Variants in TMC2 observed in about 807,000 individuals in gnomAD.
TMC2 encodes the protein transmembrane channel like 2, also known as transmembrane channel-like protein 2.
A neutral mutation model predicts 105.9 loss-of-function variants in TMC2; 102 were observed. The ratio of observed to expected loss-of-function variants is 0.96; its 90% confidence interval spans 0.82 to 1.14. The LOEUF (loss-of-function observed/expected upper bound fraction) is 1.14, where lower values mean the gene tolerates loss of function less well. TMC2 is among the 50% of genes most tolerant of loss of function. The pLI is 0.00. For synonymous variants in TMC2, 402 were observed against 422.8 expected (o/e 0.95, Z 0.60); for missense variants, 1,093 against 1,134.3 (o/e 0.96, Z 0.52).
chr20:2,552,230 C>T (rs1161387565), intron 2 of TMC2, among the ~76,000 whole-genome samples: 1 of 152,182 alleles, frequency 6.6e-6, no homozygotes, highest in Admixed American at 6.5e-5. Context: ...TGCACTCCAG[C>T]CTGAGCAACA....
chr20:2,633,505 G>A (rs6050719), intron 17 of TMC2, among the ~76,000 whole-genome samples: 114,647 of 151,834 alleles, frequency 0.76, 43,398 homozygotes, highest in East Asian at 0.87. Flanking sequence ...TCTCACAGCC[G>A]TGATGTTCAA....
intron 2 of TMC2, among the ~76,000 whole-genome samples, chr20:2,542,134 G>C (rs1178855523): frequency 6.6e-6 from 1 of 152,086 alleles, no homozygotes; most frequent in Non-Finnish European, 1.5e-5. Flanking sequence ...ACTGACAAAA[G>C]ACAGATCAAC....
At chr20:2,635,037 G>A (rs989695476) in intron 17 of TMC2, among the ~76,000 whole-genome samples, 1 of 152,186 alleles carries the variant, frequency 6.6e-6, no homozygotes, top group Non-Finnish European at 1.5e-5. Flanking sequence ...GAAAGTCATG[G>A]AGAAAAACTA....
chr20:2,640,946 C>T (rs1203249914), intron 19 of TMC2, among the ~76,000 whole-genome samples, 188 bp from the exon 20 acceptor site: 1 of 152,130 alleles, frequency 6.6e-6, no homozygotes, highest in African/African-American at 2.4e-5. Flanking sequence ...GACCATACTC[C>T]TCCAACAGAT....
chr20:2,641,069 A>C, intron 19 of TMC2, 65 bp from the exon 20 acceptor site: 1 of 1,436,870 alleles, frequency 7.0e-7, no homozygotes, highest in Non-Finnish European at 9.8e-7. Context: ...GCGACTCCAG[A>C]GAGCTCCAAT....
At chr20:2,548,097 T>C (rs1203337093) in intron 2 of TMC2, among the ~76,000 whole-genome samples, 1 of 152,190 alleles carries the variant, frequency 6.6e-6, no homozygotes, top group Non-Finnish European at 1.5e-5. Context: ...CAGAACAAAC[T>C]GGTAGGATGG....
Position 2,537,453 on chromosome 20 carries a change from T to C in TMC2, c.82+137T>C, listed in dbSNP as rs1295566481. 1.2e-5 allele frequency: 9 copies of C among 771,576 alleles called. No individual in the cohort carries two copies. The African/African-American group carries it at 1.4e-4, about 12-fold the overall frequency. The allele number at this position is 771,576 out of a possible 1,614,324, so 47.8% of individuals were successfully genotyped here. A position where few individuals can be genotyped will look rare whatever the true frequency, so the allele number is the denominator to read the frequency against. ...TTCAACACCCTGCATGGAGCCTTCC[T>C]GGGAGGCAAGGTGTTTAACATGGGA... On this transcript the variant is annotated intron_variant, in intron 2 of 19. Coordinates refer to ENST00000358864, the MANE Select transcript of TMC2 (RefSeq NM_080751.3).
At chr20:2,628,855 C>A (rs906244655) in intron 17 of TMC2, among the ~76,000 whole-genome samples, 1 of 152,196 alleles carries the variant, frequency 6.6e-6, no homozygotes, top group Non-Finnish European at 1.5e-5. Context: ...GTAATCCCAG[C>A]ACTTTGGGAG....
At chr20:2,579,265 C>T (rs375519147) in intron 6 of TMC2, 38 bp downstream of exon 6, 5 of 1,279,524 alleles carry the variant, frequency 3.9e-6, no homozygotes, top group Non-Finnish European at 5.7e-6. Flanking sequence ...TAATTGGTTT[C>T]CTAAAGCGTT....
At chr20:2,587,883 G>C (rs1180598918) in intron 7 of TMC2, among the ~76,000 whole-genome samples, 1 of 151,884 alleles carries the variant, frequency 6.6e-6, no homozygotes, top group African/African-American at 2.4e-5. Context: ...TGTATCCTTT[G>C]ACCAACATTT....
intron 17 of TMC2, among the ~76,000 whole-genome samples, chr20:2,630,919 A>G (rs2086598299): frequency 6.6e-6 from 1 of 152,224 alleles, no homozygotes; most frequent in African/African-American, 2.4e-5. Context: ...TGCTTTTTAT[A>G]TGGAGTGTTT....
chr20:2,540,174 T>C (rs2085879857), intron 2 of TMC2, among the ~76,000 whole-genome samples: 1 of 151,540 alleles, frequency 6.6e-6, no homozygotes, highest in Non-Finnish European at 1.5e-5. Context: ...GTATTTTTAG[T>C]AGAGACCGGG....
chr20:2,567,240 G>C (rs188956654), intron 4 of TMC2, among the ~76,000 whole-genome samples: 1 of 152,368 alleles, frequency 6.6e-6, no homozygotes, highest in African/African-American at 2.4e-5. Context: ...TCCCTGCTCA[G>C]CGGTAACAAG....
intron 16 of TMC2, among the ~76,000 whole-genome samples, chr20:2,619,023 CAG>C (rs964409213): frequency 6.6e-6 from 1 of 152,150 alleles, no homozygotes; most frequent in Non-Finnish European, 1.5e-5. Flanking sequence ...ATTGTGCACT[CAG>C]GGCCTCACCC....
intron 2 of TMC2, among the ~76,000 whole-genome samples, chr20:2,547,081 T>C (rs1230445720): frequency 2.6e-5 from 4 of 151,848 alleles, no homozygotes; most frequent in Non-Finnish European, 5.9e-5. Context: ...ACCAAGAAAA[T>C]ATCAAACATA....
intron 2 of TMC2, among the ~76,000 whole-genome samples, chr20:2,546,035 T>A (rs1367196046): frequency 6.6e-6 from 1 of 152,224 alleles, no homozygotes; most frequent in Non-Finnish European, 1.5e-5. Flanking sequence ...CCAATCCGCT[T>A]ATAATTCTGT....
In TMC2 at chr20:2,592,374, A is replaced by C. The variant is rs1460423005; in HGVS notation, c.899A>C (p.Lys300Thr). ...RKTVPRAEEEKAMDFSVLWDF... is the reference protein window; with the variant it reads ...RKTVPRAEEETAMDFSVLWDF... The stretch of plus-strand genomic sequence containing the variant: ...ACAGTGCCTCGGGCTGAGGAAGAAA[A>C]GGCCATGGATTTTTCTGTCCTTTGG... Residue 300 changes from lysine (K) to threonine (T), a missense_variant, in exon 8 of 20, where the codon AAG (lysine) becomes ACG (threonine). By Grantham distance (78) the Lys-to-Thr change is moderately conservative. Coordinates refer to ENST00000358864, the MANE Select transcript of TMC2 (RefSeq NM_080751.3). This position sits in a 1 kb window ranked among gnomAD's most constrained non-coding sequence, Gnocchi z 4.9. 7 of 1,613,864 alleles carry C rather than the reference A, an allele frequency of 4.3e-6. No individual in the cohort carries two copies. The highest frequency in any genetic ancestry group is 1.3e-5 in the African/African-American group (1 of 74,910).
chr20:2,592,501 A>G lies in TMC2; in HGVS notation c.933+93A>G, dbSNP rs1600117685. On this transcript the variant is annotated intron_variant, in intron 8 of 19. Transcript: ENST00000358864. This position sits in a 1 kb window ranked among gnomAD's most constrained non-coding sequence, Gnocchi z 4.9. ...TATGAAATAGTGCGTTTAATTATTGAAAAACCATTGCTTTAATAGGATCCC... is the reference window on the plus strand; with the variant it reads ...TATGAAATAGTGCGTTTAATTATTGGAAAACCATTGCTTTAATAGGATCCC... 2.2e-6 allele frequency: 2 copies of G among 903,356 alleles called. No individual in the cohort carries two copies. The highest frequency in any genetic ancestry group is 4.9e-5 in the East Asian group (2 of 41,208). 56.0% of individuals were successfully genotyped at this position (903,356 alleles called of 1,614,324 possible).
rs371954216 is a variant in TMC2, at chr20:2,572,156, CTTT to C, written c.555-11_555-9del. 3.1e-5 allele frequency: 39 copies of C among 1,273,728 alleles called. No homozygotes were observed. Among genetic ancestry groups the C allele is most frequent in the Non-Finnish European group, 3.6e-5 (33 of 910,340 alleles). 78.9% of individuals were successfully genotyped at this position (1,273,728 alleles called of 1,614,324 possible). ...TGGTTAGGTGCTAACTGAAATCCTG[CTTT>C]TTTTTTTTTTTCTAAGCAGGGAGGC... On this transcript the variant is annotated intron_variant, in intron 4 of 19. Coordinates refer to ENST00000358864, the MANE Select transcript of TMC2 (RefSeq NM_080751.3).
Sources: allele counts gnomAD v4.1 joint callset (sites outside exome capture counted in the v4.1 genomes callset), GRCh38; gene constraint gnomAD v4.1.1; non-coding constraint Gnocchi (gnomAD v3.1); transcripts MANE v1.5; gene names NCBI Gene and HGNC (gene_info 2026-07-23, HGNC 2026-07-21).